The following NRL variants were observed in gnomAD, a reference collection of about 807,000 sequenced individuals.
NRL encodes the protein neural retina leucine zipper, also known as neural retina-specific leucine zipper protein.
A neutral mutation model predicts 12.5 loss-of-function variants in NRL; 16 were observed. The observed-to-expected ratio is 1.28, with a 90% confidence interval of 0.87 to 1.95. NRL has a LOEUF of 1.95. Ranked by LOEUF, NRL falls within the 30% of genes most tolerant of loss-of-function variation. The pLI is 0.00. For missense variants in NRL, 314 were observed against 325.8 expected, an observed-to-expected ratio of 0.96 and a Z score of 0.28; for synonymous variants, 142 against 150.9, an observed-to-expected ratio of 0.94 and a Z score of 0.43.
chr14:24,114,790 A>C lies in NRL; in HGVS notation c.-96T>G, dbSNP rs1321130687. ...GGCGGGGCCGTCGTGTGACGTTTGC[A>C]GCCCGCCGGCCAGGAAGCCGCGAGA... On this transcript the variant is annotated 5_prime_UTR_variant, in exon 1 of 3. Transcript: ENST00000561028. The C allele has an allele frequency of 1.0e-6, 1 of 985,846 alleles. No homozygotes were observed. The highest frequency in any genetic ancestry group is 1.2e-6 in the Non-Finnish European group (1 of 829,978). 61.1% of individuals were successfully genotyped at this position (985,846 alleles called of 1,614,324 possible). A position where few individuals can be genotyped will look rare whatever the true frequency, so the allele number is the denominator to read the frequency against.
At chr14:24,101,865 A>C (rs1280884247) in intron 1 of NRL, among the ~76,000 whole-genome samples, 1 of 152,012 alleles carries the variant, frequency 6.6e-6, no homozygotes, top group African/African-American at 2.4e-5. Flanking sequence ...CAGTGAGACA[A>C]GATCATGCCA....
At chr14:24,107,318 A>C (rs2037354192) in intron 1 of NRL, among the ~76,000 whole-genome samples, 1 of 152,226 alleles carries the variant, frequency 6.6e-6, no homozygotes, top group African/African-American at 2.4e-5. Context: ...TTAACACATT[A>C]TAATCTTTTT....
At chr14:24,109,527 C>T (rs2138993639) in intron 1 of NRL, among the ~76,000 whole-genome samples, 1 of 152,090 alleles carries the variant, frequency 6.6e-6, no homozygotes, top group Admixed American at 6.5e-5. Flanking sequence ...AACCCCGTCT[C>T]TACTAAGAAA....
chr14:24,103,148 T>C lies in NRL; in HGVS notation c.-28+11574A>G, dbSNP rs376532057. ...AAAGGGCTGCCTGTGACTCTGTTCA[T>C]TGGTGATCTAGGGGTACCCCTGGTA... is the stretch of plus-strand genomic sequence containing the variant. On this transcript the variant is annotated intron_variant, in intron 1 of 2. Coordinates refer to ENST00000561028, the MANE Select transcript of NRL (RefSeq NM_001354768.3). 5.0e-6 allele frequency: 8 copies of C among 1,602,736 alleles called. No homozygotes were observed. The highest frequency in any genetic ancestry group is 2.7e-5 in the African/African-American group (2 of 74,692).
At chr14:24,102,785 C>A (rs200437491) in intron 1 of NRL, 4 of 1,613,908 alleles carry the variant, frequency 2.5e-6, no homozygotes, top group South Asian at 1.1e-5. Flanking sequence ...TCCCAACTCT[C>A]GATTTTGTGC....
At chr14:24,102,012 G>A (rs2037180189) in intron 1 of NRL, among the ~76,000 whole-genome samples, 1 of 151,948 alleles carries the variant, frequency 6.6e-6, no homozygotes. Flanking sequence ...GATCAGTTAA[G>A]GTCAGGAGTT....
At chr14:24,103,086 C>A in intron 1 of NRL, 2 of 1,299,624 alleles carry the variant, frequency 1.5e-6, no homozygotes, top group South Asian at 1.2e-5. Context: ...GAGTACCAGT[C>A]AAGCTCACCA....
At chr14:24,106,414 A>C (rs1441845102) in intron 1 of NRL, among the ~76,000 whole-genome samples, 1 of 152,224 alleles carries the variant, frequency 6.6e-6, no homozygotes, top group Non-Finnish European at 1.5e-5. Flanking sequence ...AGGTTAGAAC[A>C]AAGTTAGCAG....
Position 24,114,785 on chromosome 14 carries a change from T to A in NRL, c.-91A>T, listed in dbSNP as rs1380789523. 4.1e-6 allele frequency: 4 copies of A among 985,818 alleles called. No homozygotes were observed. In the East Asian group the frequency reaches 3.4e-4, roughly 84 times the overall value. The allele number at this position is 985,818 out of a possible 1,614,324, so 61.1% of individuals were successfully genotyped here. On this transcript the variant is annotated 5_prime_UTR_variant, in exon 1 of 3. Coordinates refer to ENST00000561028, the MANE Select transcript of NRL (RefSeq NM_001354768.3). Reference sequence around the variant, plus strand: ...AAGGGGGCGGGGCCGTCGTGTGACGTTTGCAGCCCGCCGGCCAGGAAGCCG... The same window carrying A: ...AAGGGGGCGGGGCCGTCGTGTGACGATTGCAGCCCGCCGGCCAGGAAGCCG...
intron 1 of NRL, among the ~76,000 whole-genome samples, chr14:24,092,910 G>A (rs1261603959): frequency 2.6e-5 from 4 of 152,252 alleles, no homozygotes. Flanking sequence ...CCAGGTTCCT[G>A]CTTTGCAGTG....
chr14:24,102,686 C>T, intron 1 of NRL: 1 of 1,354,452 alleles, frequency 7.4e-7, no homozygotes, highest in Non-Finnish European at 1.0e-6. Context: ...GAATGTGTGC[C>T]CATGTATGTG....
chr14:24,112,261 G>A (rs1489785704), intron 1 of NRL, among the ~76,000 whole-genome samples: 2 of 136,314 alleles, frequency 1.5e-5, no homozygotes. Context: ...GAGGATTTTT[G>A]CATCAATGTT....
intron 1 of NRL, among the ~76,000 whole-genome samples, chr14:24,113,930 G>A (rs1176726851): frequency 2.6e-5 from 4 of 152,242 alleles, no homozygotes; most frequent in African/African-American, 9.6e-5. Flanking sequence ...CTGAGCCCGA[G>A]ACAGCAAGGT....
intron 1 of NRL, chr14:24,103,409 A>G: frequency 8.1e-7 from 1 of 1,227,804 alleles, no homozygotes. Flanking sequence ...GAAGATATTC[A>G]GAACCATAAG....
intron 1 of NRL, among the ~76,000 whole-genome samples, chr14:24,108,585 G>A (rs972693524): frequency 6.6e-6 from 1 of 151,510 alleles, no homozygotes; most frequent in Non-Finnish European, 1.5e-5. Context: ...ACCTGCCTCA[G>A]CCTCTCAAAG....
intron 1 of NRL, among the ~76,000 whole-genome samples, chr14:24,104,668 CAA>C (rs1255709048): frequency 1.4e-5 from 2 of 144,146 alleles, no homozygotes; most frequent in South Asian, 4.5e-4. Flanking sequence ...CAAAACAAAA[CAA>C]AAAAAAAACT....
At position 24,103,571 on chromosome 14, in the gene NRL, C is replaced by G. The variant is rs113162916; in HGVS notation, c.-28+11151G>C. 24 of 1,589,638 alleles carry G rather than the reference C, an allele frequency of 1.5e-5. No individual in the cohort carries two copies. In the African/African-American group the frequency reaches 1.9e-4, roughly 12 times the overall value. On this transcript the variant is annotated intron_variant, in intron 1 of 2. Transcript: ENST00000561028. ...CCTTTTTTGGCTACAACTTCGGGCA[C>G]TACCTGGAACACTGGCTGAGCATGG... is the stretch of plus-strand genomic sequence containing the variant.
chr14:24,114,447 G>C (rs888629514), intron 1 of NRL: 4 of 156,086 alleles, frequency 2.6e-5, no homozygotes. Context: ...GCAGTGGGGA[G>C]AAAGGAGGCC....
chr14:24,098,091 G>GAA, intron 1 of NRL: 2 of 848,362 alleles, frequency 2.4e-6, no homozygotes, highest in Non-Finnish European at 3.7e-6. Context: ...ATTGGGTGGG[G>GAA]AAACATAAGG....
Sources: allele counts gnomAD v4.1 joint callset (sites outside exome capture counted in the v4.1 genomes callset), GRCh38; gene constraint gnomAD v4.1.1; transcripts MANE v1.5; gene names NCBI Gene and HGNC (gene_info 2026-07-23, HGNC 2026-07-21).